Variants in LFNG observed in about 807,000 individuals in gnomAD.
LFNG encodes beta-1,3-N-acetylglucosaminyltransferase lunatic fringe.
Under a neutral mutation model 32.7 loss-of-function variants are expected in LFNG, and 15 were observed. The observed-to-expected ratio is 0.46, with a 90% CI of 0.31 to 0.71. LFNG has a LOEUF of 0.71. Ranked by LOEUF, LFNG falls within the 30% of genes least tolerant of loss-of-function variation. The probability of loss-of-function intolerance (pLI) is 0.06; values close to 1 mark genes in which losing one functional copy is unlikely to be tolerated. For missense variants in LFNG, 520 were observed against 545.7 expected (o/e 0.95, Z 0.47); for synonymous variants, 274 against 246.8 (o/e 1.11, Z -1.03).
At position 2,520,187 on chromosome 7, in the gene LFNG, C is replaced by T; in HGVS notation, c.326C>T (p.Pro109Leu). ...GGCCACCCGCGCCCCCTGGCCGAGC[C>T]GCTCGCGCCCCGAGACGTCTTCATC... ...ADGHPRPLAE[P>L]LAPRDVFIAV... The change falls in exon 1 of 8, where the codon CCG becomes CTG. Residue 109 changes from proline to leucine, a missense_variant. By Grantham distance (98) the Pro-to-Leu change is moderately conservative. This residue lies in a region of LFNG where 360 missense variants were observed against 354.7 expected (regional missense o/e 1.01). Coordinates refer to ENST00000222725, the MANE Select transcript of LFNG (RefSeq NM_001040167.2). The surrounding 1 kb of genome is among the most constrained non-coding windows in gnomAD (Gnocchi z 5.0). The T allele has an allele frequency of 6.4e-7, 1 of 1,573,974 alleles. No homozygotes were observed. The highest frequency in any genetic ancestry group is 1.1e-5 in the South Asian group (1 of 87,220).
intron 1 of LFNG, among the ~76,000 whole-genome samples, chr7:2,521,505 G>A (rs1477328236): frequency 6.6e-6 from 1 of 152,248 alleles, no homozygotes; most frequent in African/African-American, 2.4e-5. Flanking sequence ...AACCGCTGCT[G>A]GCGTGCTGGC....
At position 2,520,166 on chromosome 7, in the gene LFNG, A is replaced by AC; in HGVS notation, c.308dup (p.Arg104AlafsTer47). 6.7e-7 allele frequency: 1 copy of AC among 1,498,642 alleles called. No homozygotes were observed. Among genetic ancestry groups the AC allele is most frequent in the East Asian group, 2.8e-5 (1 of 35,888 alleles). 92.8% of individuals were successfully genotyped at this position (1,498,642 alleles called of 1,614,324 possible). ...GCTGCCCCCCGCCCCGCCGACGGCC[A>AC]CCCGCGCCCCCTGGCCGAGCCGCTC... On this transcript the variant is annotated frameshift_variant, in exon 1 of 8. Transcript: ENST00000222725. LOFTEE classifies it high-confidence loss of function. This position sits in a 1 kb window ranked among gnomAD's most constrained non-coding sequence, Gnocchi z 5.0.
chr7:2,519,967 G>C lies in LFNG; in HGVS notation c.106G>C (p.Glu36Gln). ...ADPPPPPLPA[E>Q]RGRRALRSLA... Reference sequence around the variant, plus strand: ...CCCGCCGCCGCCTCCACTGCCCGCCGAGCGCGGCCGGCGCGCGCTGCGCAG... The same window carrying C: ...CCCGCCGCCGCCTCCACTGCCCGCCCAGCGCGGCCGGCGCGCGCTGCGCAG... Residue 36 changes from glutamate (E) to glutamine (Q), a missense_variant, in exon 1 of 8, where the codon GAG (glutamate) becomes CAG (glutamine). Physicochemically the swap from Glu to Gln is conservative, Grantham distance 29 (BLOSUM62 2). Coordinates refer to ENST00000222725, the MANE Select transcript of LFNG (RefSeq NM_001040167.2). 7 of 985,576 alleles carry C rather than the reference G, an allele frequency of 7.1e-6. No homozygotes were observed. The highest frequency in any genetic ancestry group is 8.4e-6 in the Non-Finnish European group (7 of 831,962). The allele number at this position is 985,576 out of a possible 1,614,324, so 61.1% of individuals were successfully genotyped here. A position where few individuals can be genotyped will look rare whatever the true frequency, so the allele number is the denominator to read the frequency against.
At position 2,524,714 on chromosome 7, in the gene LFNG, G is replaced by C; in HGVS notation, c.452G>C (p.Gly151Ala). The C allele has an allele frequency of 6.3e-7, 1 of 1,589,792 alleles. No homozygotes were observed. The highest frequency in any genetic ancestry group is 8.6e-7 in the Non-Finnish European group (1 of 1,168,234). The change falls in exon 2 of 8, where the codon GGG becomes GCG. Residue 151 changes from glycine (G) to alanine (A), a missense_variant. Gly to Ala is a moderately conservative substitution (Grantham distance 60, BLOSUM62 0). Transcript: ENST00000222725. ...HKEMTFIFTDGEDEALARHTG... is the reference protein window; with the variant it reads ...HKEMTFIFTDAEDEALARHTG... The stretch of plus-strand genomic sequence containing the variant: ...TTCCAGACGTTCATCTTCACTGACG[G>C]GGAAGATGAGGCCCTGGCCAGGCAC...
At chr7:2,518,678 T>C (rs948861110), upstream of LFNG, 22 of 1,555,946 alleles carry the variant, frequency 1.4e-5, no homozygotes, top group Admixed American at 1.8e-5. Context: ...GGGGGGCAGT[T>C]TAGCCACGGT....
chr7:2,525,296 C>G lies in LFNG; in HGVS notation c.559C>G (p.Arg187Gly), dbSNP rs764283232. 3.7e-6 allele frequency: 6 copies of G among 1,612,994 alleles called. No individual in the cohort carries two copies. Among genetic ancestry groups the G allele is most frequent in the Non-Finnish European group, 4.2e-6 (5 of 1,179,880 alleles). ...LSCKMAVEYDRFIESGRKWFC... is the reference protein window; with the variant it reads ...LSCKMAVEYDGFIESGRKWFC... ...CTGCAAGATGGCCGTGGAGTATGACCGCTTCATCGAGTCCGGCAGGAAGTG... is the reference window on the plus strand; with the variant it reads ...CTGCAAGATGGCCGTGGAGTATGACGGCTTCATCGAGTCCGGCAGGAAGTG... Residue 187 changes from arginine to glycine, a missense_variant, in exon 3 of 8, where the codon CGC becomes GGC. Arg to Gly is a moderately radical substitution (Grantham distance 125, BLOSUM62 -2). Coordinates refer to ENST00000222725, the MANE Select transcript of LFNG (RefSeq NM_001040167.2).
upstream of LFNG, among the ~76,000 whole-genome samples, chr7:2,513,906 A>C (rs1373318583): frequency 1.1e-4 from 17 of 152,236 alleles, no homozygotes; most frequent in Non-Finnish European, 7.3e-5. Context: ...CTGCCAGCCC[A>C]GGCCTGCCGT....
chr7:2,525,110 T>G, intron 2 of LFNG, 109 bp from the exon 3 acceptor site: 1 of 999,784 alleles, frequency 1.0e-6, no homozygotes, highest in Non-Finnish European at 1.5e-6. Context: ...CGGGCCCAGC[T>G]TGAACTAGGG....
intron 5 of LFNG, 67 bp downstream of exon 5, chr7:2,525,837 G>C: frequency 7.1e-7 from 1 of 1,398,940 alleles, no homozygotes; most frequent in Non-Finnish European, 1.0e-6. Context: ...GCCTGGCTTA[G>C]TTCATCTTCC....
At chr7:2,528,880 A>T (rs753019382), downstream of LFNG, 1 of 568,986 alleles carries the variant, frequency 1.8e-6, no homozygotes, top group Non-Finnish European at 3.3e-6. Flanking sequence ...GCAGGTGGGG[A>T]AACTGAGGCA....
chr7:2,527,150 C>T lies in LFNG; in HGVS notation c.1078C>T (p.Arg360Cys), dbSNP rs763938391. The stretch of plus-strand genomic sequence containing the variant: ...GCCCCTGCTCTGTTCCCACAGGTTC[C>T]GCTCCATCCACTGCCACCTGTACCC... ...FSVEADPSRF[R>C]SIHCHLYPDT... The change falls in exon 8 of 8, where the codon CGC becomes TGC. Residue 360 changes from arginine (R) to cysteine (C), a missense_variant. By Grantham distance (180) the Arg-to-Cys change is radical. This residue lies in a region of LFNG where 150 missense variants were observed against 159.9 expected (regional missense o/e 0.94). Coordinates refer to ENST00000222725, the MANE Select transcript of LFNG (RefSeq NM_001040167.2). This position sits in a 1 kb window ranked among gnomAD's most constrained non-coding sequence, Gnocchi z 4.4. The T allele has an allele frequency of 9.9e-5, 159 of 1,612,546 alleles. No individual in the cohort carries two copies. Among genetic ancestry groups the T allele is most frequent in the Non-Finnish European group, 1.2e-4 (145 of 1,179,892 alleles).
upstream of LFNG, chr7:2,517,848 C>A: frequency 8.2e-7 from 1 of 1,222,294 alleles, no homozygotes; most frequent in South Asian, 1.4e-5. Context: ...TTTAACTCAG[C>A]CAGTGGAGAG....
Position 2,519,800 on chromosome 7 carries a change from G to A in LFNG, c.-62G>A. The A allele has an allele frequency of 7.2e-6, 7 of 969,860 alleles. No homozygotes were observed. Among genetic ancestry groups the A allele is most frequent in the Non-Finnish European group, 8.7e-6 (7 of 805,896 alleles). The allele number at this position is 969,860 out of a possible 1,614,324, so 60.1% of individuals were successfully genotyped here. On this transcript the variant is annotated 5_prime_UTR_variant, in exon 1 of 8. Coordinates refer to ENST00000222725, the MANE Select transcript of LFNG (RefSeq NM_001040167.2). ...CTGGACTGCGCCGCCGGAGCGACGG[G>A]CTTCGGGTCGGTGCAAGGCAGGCGC...
At chr7:2,515,016 GTCTATCCATCCATCCA>G (rs1456964896), upstream of LFNG, among the ~76,000 whole-genome samples, 70 of 129,220 alleles carry the variant, frequency 5.4e-4, 1 homozygote, top group East Asian at 0.015. Context: ...CCATTCATCT[GTCTATCCATCCATCCA>G]TCCATCCATC....
At position 2,527,714 on chromosome 7, in the gene LFNG, G is replaced by C; in HGVS notation, c.*502G>C. 9.5e-7 allele frequency: 1 copy of C among 1,055,242 alleles called. No individual in the cohort carries two copies. Among genetic ancestry groups the C allele is most frequent in the Non-Finnish European group, 1.1e-6 (1 of 870,160 alleles). 65.4% of individuals were successfully genotyped at this position (1,055,242 alleles called of 1,614,324 possible). ...TGCAGGGGAGGCTGGGTCTGGGGGT[G>C]CGTGACCCAATCCCCTTCCTCCTGG... On this transcript the variant is annotated 3_prime_UTR_variant, in exon 8 of 8. Transcript: ENST00000222725. The surrounding 1 kb of genome is among the most constrained non-coding windows in gnomAD (Gnocchi z 4.4).
chr7:2,526,922 G>T lies in LFNG; in HGVS notation c.1073+1G>T. On this transcript the variant is annotated splice_donor_variant, in intron 7 of 7. Coordinates refer to ENST00000222725, the MANE Select transcript of LFNG (RefSeq NM_001040167.2). LOFTEE classifies it high-confidence loss of function. This position sits in a 1 kb window ranked among gnomAD's most constrained non-coding sequence, Gnocchi z 6.9. ...TCTCGGTGGAGGCCGACCCATCCAG[G>T]TAAGGAAACCCCGGCCCAGATGGGC... 2 of 1,590,400 alleles carry T rather than the reference G, an allele frequency of 1.3e-6. No homozygotes were observed. The highest frequency in any genetic ancestry group is 1.7e-6 in the Non-Finnish European group (2 of 1,169,436).
chr7:2,525,112 G>C (rs753136682), intron 2 of LFNG, 107 bp from the exon 3 acceptor site: 37 of 1,012,172 alleles, frequency 3.7e-5, no homozygotes, highest in East Asian at 1.3e-4. Context: ...GGCCCAGCTT[G>C]AACTAGGGGG....
chr7:2,520,769 G>T lies in LFNG; in HGVS notation c.432+476G>T, dbSNP rs552391142. Among the ~76,000 whole-genome samples, 4 of 152,314 alleles carry T rather than the reference G, an allele frequency of 2.6e-5. No individual in the cohort carries two copies. The highest frequency in any genetic ancestry group is 2.1e-4 in the South Asian group (1 of 4,830). ...TCATCACAGTGTTAAGGTACGGGGA[G>T]GGAGGGAAGTCATTGCTGGTTGGTG... On this transcript the variant is annotated intron_variant, in intron 1 of 7. Transcript: ENST00000222725. This position sits in a 1 kb window ranked among gnomAD's most constrained non-coding sequence, Gnocchi z 5.0.
chr7:2,525,315 G>C lies in LFNG; in HGVS notation c.578G>C (p.Arg193Thr), dbSNP rs1180689310. 9.3e-6 allele frequency: 15 copies of C among 1,612,832 alleles called. No homozygotes were observed. Among genetic ancestry groups the C allele is most frequent in the Non-Finnish European group, 1.3e-5 (15 of 1,179,848 alleles). Residue 193 changes from arginine to threonine, a missense_variant, in exon 3 of 8, where the codon AGG becomes ACG. Physicochemically the swap from Arg to Thr is moderately conservative, Grantham distance 71. Around this residue, in one of 3 missense-constraint regions of LFNG, gnomAD observed 360 missense variants for 354.7 expected, o/e 1.01. Coordinates refer to ENST00000222725, the MANE Select transcript of LFNG (RefSeq NM_001040167.2). ...TATGACCGCTTCATCGAGTCCGGCA[G>C]GAAGTGAGTGTGGCCCCGGGGGACC... ...VEYDRFIESG[R>T]KWFCHVDDDN... is the part of the protein sequence containing the mutation.
Sources: allele counts gnomAD v4.1 joint callset (sites outside exome capture counted in the v4.1 genomes callset), GRCh38; gene constraint gnomAD v4.1.1; regional missense constraint gnomAD v4.1.1; non-coding constraint Gnocchi (gnomAD v3.1); transcripts MANE v1.5; gene names NCBI Gene and HGNC (gene_info 2026-07-23, HGNC 2026-07-21).